Variants in HS3ST3A1 observed in about 807,000 individuals in gnomAD.
HS3ST3A1 encodes the protein heparan sulfate glucosamine 3-O-sulfotransferase 3A1.
A neutral mutation model predicts 25.7 loss-of-function variants in HS3ST3A1; 19 were observed. The ratio of observed to expected loss-of-function variants is 0.74; its 90% CI spans 0.52 to 1.08. HS3ST3A1 has a LOEUF of 1.08. Among genes scored for constraint, HS3ST3A1 ranks in the 50% least tolerant of loss-of-function variants. The pLI is 0.00. For synonymous variants in HS3ST3A1, 226 were observed against 278.6 expected, an observed-to-expected ratio of 0.81 and a Z score of 1.88; for missense variants, 459 against 594.3, an observed-to-expected ratio of 0.77 and a Z score of 2.37.
intron 1 of HS3ST3A1, among the ~76,000 whole-genome samples, chr17:13,502,887 A>T (rs1355401752): frequency 2.0e-5 from 3 of 151,992 alleles, no homozygotes; most frequent in Non-Finnish European, 2.9e-5. Flanking sequence ...AATGAAAAAA[A>T]AAAAAAAATA....
chr17:13,504,795 C>T (rs764165764), intron 1 of HS3ST3A1, among the ~76,000 whole-genome samples: 3 of 152,068 alleles, frequency 2.0e-5, no homozygotes, highest in Non-Finnish European at 2.9e-5. Context: ...GCTCATATAC[C>T]TAGGAGTCAG....
rs148802990 is a variant in HS3ST3A1 at position 13,557,741 on chromosome 17, A to G, written c.599+42790T>C. Among the ~76,000 whole-genome samples, 955 of 152,284 alleles carry G rather than the reference A, an allele frequency of 6.3e-3. 13 individuals carry two copies. Among genetic ancestry groups the G allele is most frequent in the African/African-American group, 0.02 (833 of 41,550 alleles). Reference sequence around the variant, plus strand: ...TCCTCTCAAGCTGCAGAGAAAAGCTACTCAGATATGGGAACAGGAAGAGGA... The same window carrying G: ...TCCTCTCAAGCTGCAGAGAAAAGCTGCTCAGATATGGGAACAGGAAGAGGA... On this transcript the variant is annotated intron_variant, in intron 1 of 1. Transcript: ENST00000284110.
intron 1 of HS3ST3A1, among the ~76,000 whole-genome samples, chr17:13,523,527 T>C (rs974986403): frequency 2.0e-5 from 3 of 152,160 alleles, no homozygotes; most frequent in Admixed American, 6.5e-5. Context: ...TGTTGAGAAA[T>C]GGCAGATCTG....
intron 1 of HS3ST3A1, among the ~76,000 whole-genome samples, chr17:13,569,914 A>G (rs1907759889): frequency 6.6e-6 from 1 of 151,584 alleles, no homozygotes; most frequent in African/African-American, 2.4e-5. Flanking sequence ...ACCATTCCAC[A>G]CTCCTCCCAC....
intron 1 of HS3ST3A1, among the ~76,000 whole-genome samples, chr17:13,530,267 G>A (rs1304673115): frequency 1.3e-5 from 2 of 152,162 alleles, no homozygotes; most frequent in Non-Finnish European, 2.9e-5. Flanking sequence ...ATCATTTGAG[G>A]TATAAATGAT....
At chr17:13,512,352 C>T (rs1324123211) in intron 1 of HS3ST3A1, among the ~76,000 whole-genome samples, 2 of 146,930 alleles carry the variant, frequency 1.4e-5, no homozygotes, top group African/African-American at 2.5e-5. Context: ...TTATATGACA[C>T]ATTCAGAATA....
At chr17:13,571,725 T>C (rs962170353) in intron 1 of HS3ST3A1, among the ~76,000 whole-genome samples, 3 of 152,222 alleles carry the variant, frequency 2.0e-5, no homozygotes, top group African/African-American at 7.2e-5. Context: ...ATTATTTTAG[T>C]GCTGCTATAT....
At position 13,601,112 on chromosome 17, in the gene HS3ST3A1, C is replaced by A; in HGVS notation, c.18G>T (p.Pro6=). The A allele has an allele frequency of 1.3e-6, 2 of 1,573,358 alleles. No individual in the cohort carries two copies. The highest frequency in any genetic ancestry group is 2.3e-5 in the South Asian group (2 of 85,180). ...CGGCCGAGGTGGAGAGGGCACTGGC[C>A]GGGCCCGGAGGGGCCATCCTAGCCG... is the stretch of plus-strand genomic sequence containing the variant. MAPPG[P]ASALSTSAEP... Residue 6 remains proline, a synonymous_variant, in exon 1 of 2, where the codon CCG becomes CCT. Transcript: ENST00000284110.
chr17:13,556,514 G>GAAATA lies in HS3ST3A1; in HGVS notation c.599+44012_599+44016dup, dbSNP rs71369397. 7.1e-3 allele frequency among the ~76,000 whole-genome samples: 1,041 copies of GAAATA among 145,926 alleles called. 27 individuals are homozygous for GAAATA. The highest frequency in any genetic ancestry group is 0.026 in the African/African-American group (983 of 38,506). ...CAGAGCGAGACTTTGTCTCAAAAAA[G>GAAATA]AAATAAAATAAAAGAAAATAAAATA... On this transcript the variant is annotated intron_variant, in intron 1 of 1. Coordinates refer to ENST00000284110, the MANE Select transcript of HS3ST3A1 (RefSeq NM_006042.3).
intron 1 of HS3ST3A1, chr17:13,556,095 G>A (rs905873320): frequency 3.3e-5 from 5 of 152,214 alleles, no homozygotes; most frequent in African/African-American, 1.2e-4. Context: ...TCAAGTTAAA[G>A]GATGACACCT....
chr17:13,580,962 C>T (rs1351516693), intron 1 of HS3ST3A1, among the ~76,000 whole-genome samples: 1 of 152,138 alleles, frequency 6.6e-6, no homozygotes, highest in Non-Finnish European at 1.5e-5. Context: ...CATGTACCTG[C>T]ATGTGTGTGC....
intron 1 of HS3ST3A1, among the ~76,000 whole-genome samples, chr17:13,557,384 A>G (rs1028223365): frequency 6.6e-6 from 1 of 152,200 alleles, no homozygotes; most frequent in African/African-American, 2.4e-5. Context: ...CAAAATTAAA[A>G]GAAAAAGACA....
intron 1 of HS3ST3A1, among the ~76,000 whole-genome samples, chr17:13,518,881 C>T (rs1329398314): frequency 6.6e-6 from 1 of 152,170 alleles, no homozygotes; most frequent in African/African-American, 2.4e-5. Context: ...CAGCTGAGAT[C>T]CCAAGTTAGC....
At chr17:13,557,343 A>C (rs968002338) in intron 1 of HS3ST3A1, among the ~76,000 whole-genome samples, 11 of 152,222 alleles carry the variant, frequency 7.2e-5, no homozygotes, top group Non-Finnish European at 8.8e-5. Flanking sequence ...ACATTTAAGC[A>C]TGAGTCAACA....
chr17:13,525,245 T>G (rs932869832), intron 1 of HS3ST3A1, among the ~76,000 whole-genome samples: 1 of 152,210 alleles, frequency 6.6e-6, no homozygotes, highest in African/African-American at 2.4e-5. Context: ...TTCATTTTTA[T>G]TGTGATGTCT....
At chr17:13,558,498 T>A (rs1907440080) in intron 1 of HS3ST3A1, among the ~76,000 whole-genome samples, 1 of 152,064 alleles carries the variant, frequency 6.6e-6, no homozygotes, top group South Asian at 2.1e-4. Flanking sequence ...AATAAAAAAT[T>A]CAAAGTAAGA....
intron 1 of HS3ST3A1, among the ~76,000 whole-genome samples, chr17:13,563,840 T>A (rs1161948417): frequency 1.3e-5 from 2 of 152,204 alleles, no homozygotes; most frequent in African/African-American, 4.8e-5. Context: ...CTGTACTTTT[T>A]AAATGCTATT....
chr17:13,561,623 A>T (rs1298706077), intron 1 of HS3ST3A1, among the ~76,000 whole-genome samples: 1 of 151,992 alleles, frequency 6.6e-6, no homozygotes, highest in Non-Finnish European at 1.5e-5. Context: ...CGAACTCCTG[A>T]CCTCGTGATC....
Position 13,494,531 on chromosome 17 carries a change from A to G in HS3ST3A1, c.*1666T>C, listed in dbSNP as rs1206746927. On this transcript the variant is annotated 3_prime_UTR_variant, in exon 2 of 2. Transcript: ENST00000284110. ...CAACTTTAGTTTCTTTTGATTGACA[A>G]CATTAAAGAAGAAAAAGAATATTAT... Among the ~76,000 whole-genome samples, 2 of 152,242 alleles carry G rather than the reference A, an allele frequency of 1.3e-5. No homozygotes were observed. Among genetic ancestry groups the G allele is most frequent in the Non-Finnish European group, 2.9e-5 (2 of 68,048 alleles).
Sources: allele counts gnomAD v4.1 joint callset (sites outside exome capture counted in the v4.1 genomes callset), GRCh38; gene constraint gnomAD v4.1.1; transcripts MANE v1.5; gene names NCBI Gene and HGNC (gene_info 2026-07-23, HGNC 2026-07-21).